The following CACNA2D3 variants were observed in gnomAD, a reference collection of about 807,000 sequenced individuals.
CACNA2D3 encodes the protein voltage-dependent calcium channel subunit alpha-2/delta-3.
CACNA2D3 carries 60 observed loss-of-function variants against 160.6 expected under a neutral mutation model. That is an observed-to-expected ratio of 0.37 (90% confidence interval 0.30 to 0.46). The LOEUF is 0.46. CACNA2D3 is among the 20% of genes least tolerant of loss of function. The probability of loss-of-function intolerance (pLI) is 1.00; values close to 1 mark genes in which losing one functional copy is unlikely to be tolerated. For synonymous variants in CACNA2D3, 558 were observed against 492.9 expected, an observed-to-expected ratio of 1.13 and a Z score of -1.75; for missense variants, 1,205 against 1,365.0, an observed-to-expected ratio of 0.88 and a Z score of 1.85.
chr3:54,261,364 G>A (rs756832553), intron 2 of CACNA2D3, among the ~76,000 whole-genome samples: 1 of 152,074 alleles, frequency 6.6e-6, no homozygotes, highest in African/African-American at 2.4e-5. Context: ...TGTTACCATG[G>A]GGAGGAACTA....
chr3:54,449,640 T>G (rs7624727), intron 4 of CACNA2D3, among the ~76,000 whole-genome samples: 123,170 of 152,092 alleles, frequency 0.81, 50,125 homozygotes, highest in South Asian at 0.88. Flanking sequence ...TTGGTGCTGT[T>G]GTTGAGATAG....
At chr3:54,793,218 A>C (rs1160451372) in intron 13 of CACNA2D3, among the ~76,000 whole-genome samples, 2 of 152,336 alleles carry the variant, frequency 1.3e-5, no homozygotes, top group Non-Finnish European at 2.9e-5. Context: ...GAAGTGAATA[A>C]ATTATATTTT....
At chr3:54,928,154 GC>G (rs1299588666) in intron 27 of CACNA2D3, 2 of 521,508 alleles carry the variant, frequency 3.8e-6, no homozygotes, top group Non-Finnish European at 6.8e-6. Context: ...TTGGGATCGT[GC>G]CCCTCTTCTT....
intron 20 of CACNA2D3, among the ~76,000 whole-genome samples, chr3:54,880,035 T>G (rs1699756116): frequency 6.6e-6 from 1 of 152,234 alleles, no homozygotes; most frequent in Non-Finnish European, 1.5e-5. Flanking sequence ...ATTCCTGAAC[T>G]GGCGTCTCAG....
At chr3:54,932,253 G>T (rs79032919) in intron 27 of CACNA2D3, among the ~76,000 whole-genome samples, 1 of 152,052 alleles carries the variant, frequency 6.6e-6, no homozygotes, top group East Asian at 1.9e-4. Context: ...TCATAATAAA[G>T]TGGGAGGCAA....
chr3:54,763,685 G>GTGTGTATATATGTATATA (rs1702131745), intron 12 of CACNA2D3, among the ~76,000 whole-genome samples: 1 of 139,528 alleles, frequency 7.2e-6, no homozygotes, highest in African/African-American at 2.6e-5. Flanking sequence ...ATGTATATAT[G>GTGTGTATATATGTATATA]TGTGTATATA....
intron 17 of CACNA2D3, among the ~76,000 whole-genome samples, chr3:54,871,182 GACACACACAC>G (rs376258511): frequency 0.012 from 1,589 of 127,760 alleles, 23 homozygotes; most frequent in Non-Finnish European, 0.013. Context: ...TATAGGTGGA[GACACACACAC>G]ACACACACAC....
At chr3:54,760,181 C>T (rs573215753) in intron 12 of CACNA2D3, among the ~76,000 whole-genome samples, 1 of 152,102 alleles carries the variant, frequency 6.6e-6, no homozygotes, top group South Asian at 2.1e-4. Flanking sequence ...TCTGAAGGGA[C>T]TGATGCAGGG....
chr3:54,289,208 G>C (rs1444961185), intron 2 of CACNA2D3, among the ~76,000 whole-genome samples: 2 of 152,108 alleles, frequency 1.3e-5, no homozygotes, highest in African/African-American at 2.4e-5. Flanking sequence ...CTTCAGCAAA[G>C]TCTCAGGATA....
intron 2 of CACNA2D3, among the ~76,000 whole-genome samples, chr3:54,222,910 A>G (rs972420326): frequency 6.6e-6 from 1 of 152,212 alleles, no homozygotes; most frequent in East Asian, 1.9e-4. Flanking sequence ...CTTATAATTA[A>G]TGGAATTACT....
At chr3:55,043,487 TAAAA>T (rs201716564) in intron 35 of CACNA2D3, among the ~76,000 whole-genome samples, 1 of 151,354 alleles carries the variant, frequency 6.6e-6, no homozygotes, top group East Asian at 1.9e-4. Context: ...TTGCTCATTT[TAAAA>T]AAAAAGGTAC....
intron 31 of CACNA2D3, 107 bp downstream of exon 31, chr3:54,987,860 T>C: frequency 1.4e-6 from 1 of 691,286 alleles, no homozygotes; most frequent in Non-Finnish European, 2.4e-6. Context: ...GTGGCTGGTT[T>C]TTACTTGTGT....
chr3:54,798,317 G>A lies in CACNA2D3; in HGVS notation c.1381-18536G>A, dbSNP rs535908802. ...TGGGAGGCTGAGGCAGGTGGATCGCGAGGTTGGGAGATTGAGACCACCCTG... is the reference window on the plus strand; with the variant it reads ...TGGGAGGCTGAGGCAGGTGGATCGCAAGGTTGGGAGATTGAGACCACCCTG... On this transcript the variant is annotated intron_variant, in intron 13 of 37. Transcript: ENST00000474759. 2.6e-5 allele frequency among the ~76,000 whole-genome samples: 4 copies of A among 152,138 alleles called. No homozygotes were observed. The South Asian group carries it at 8.3e-4, about 32-fold the overall frequency.
chr3:54,636,288 A>G (rs931490818), intron 10 of CACNA2D3, among the ~76,000 whole-genome samples: 7 of 151,930 alleles, frequency 4.6e-5, no homozygotes, highest in African/African-American at 1.7e-4. Context: ...GAAATATGGG[A>G]AAATGGGGTG....
intron 5 of CACNA2D3, among the ~76,000 whole-genome samples, chr3:54,512,023 C>T (rs1177871858): frequency 1.3e-5 from 2 of 152,144 alleles, no homozygotes; most frequent in African/African-American, 2.4e-5. Flanking sequence ...TGTCCCTGGG[C>T]TGACTCAGTT....
At chr3:54,780,700 A>G (rs575814835) in intron 13 of CACNA2D3, among the ~76,000 whole-genome samples, 1 of 152,344 alleles carries the variant, frequency 6.6e-6, no homozygotes, top group African/African-American at 2.4e-5. Flanking sequence ...CAGACTGGAA[A>G]GGAAAATTCC....
At chr3:54,601,888 A>G (rs1162996667) in intron 9 of CACNA2D3, among the ~76,000 whole-genome samples, 2 of 152,102 alleles carry the variant, frequency 1.3e-5, no homozygotes, top group African/African-American at 4.8e-5. Context: ...TAATTTTAAT[A>G]GCTAGCACAT....
intron 4 of CACNA2D3, among the ~76,000 whole-genome samples, chr3:54,391,512 C>CTT (rs199908584): frequency 0.012 from 1,719 of 148,292 alleles, 11 homozygotes; most frequent in Non-Finnish European, 0.018. Flanking sequence ...TTCTTTCTTT[C>CTT]TTTCTTTTTT....
intron 27 of CACNA2D3, among the ~76,000 whole-genome samples, chr3:54,933,335 T>TCA (rs1414515322): frequency 6.6e-6 from 1 of 152,234 alleles, no homozygotes. Flanking sequence ...TTTATTTCTC[T>TCA]TATCACAGTC....
Sources: allele counts gnomAD v4.1 joint callset (sites outside exome capture counted in the v4.1 genomes callset), GRCh38; gene constraint gnomAD v4.1.1; transcripts MANE v1.5; gene names NCBI Gene and HGNC (gene_info 2026-07-23, HGNC 2026-07-21).